Variants in EMILIN2 observed in about 807,000 individuals in gnomAD.
EMILIN2 encodes EMILIN-2.
In EMILIN2, 71 loss-of-function variants were observed where a neutral mutation model predicts 87.1. That is an observed-to-expected ratio of 0.82 (90% CI 0.67 to 0.99). EMILIN2 has a LOEUF of 0.99. EMILIN2 is among the 50% of genes least tolerant of loss of function. EMILIN2 has a pLI of 0.00. For synonymous variants in EMILIN2, 581 were observed against 563.4 expected (o/e 1.03, Z -0.44); for missense variants, 1,407 against 1,371.8 (o/e 1.03, Z -0.40).
Position 2,906,888 on chromosome 18 carries a change from GACGGCCCGT to G in EMILIN2, c.2466_2474del (p.Arg823_Val825del). 2 of 1,392,440 alleles carry G rather than the reference GACGGCCCGT, an allele frequency of 1.4e-6. No individual in the cohort carries two copies. The highest frequency in any genetic ancestry group is 1.9e-6 in the Non-Finnish European group (2 of 1,071,442). The allele number at this position is 1,392,440 out of a possible 1,614,324, so 86.3% of individuals were successfully genotyped here. A position where few individuals can be genotyped will look rare whatever the true frequency, so the allele number is the denominator to read the frequency against. The stretch of plus-strand genomic sequence containing the variant: ...CCCGCAACCGCAGAGGACCCTGGGC[GACGGCCCGT>G]CCTGCCCCAGCGGCCCCCCGAGGAG... On this transcript the variant is annotated inframe_deletion, in exon 5 of 8. Transcript: ENST00000254528.
chr18:2,909,692 AGCTCCGGTGCCTTCTCT>A lies in EMILIN2; in HGVS notation c.2699_2715del (p.Ala900GlyfsTer15). 6.2e-7 allele frequency: 1 copy of A among 1,613,746 alleles called. No individual in the cohort carries two copies. ...CATTCCATCCTTTCTCTGCTCCAGG[AGCTCCGGTGCCTTCTCT>A]GGTGTCTTTTTCTGCGGGGCTCACC... On this transcript the variant is annotated frameshift_variant and splice_region_variant, in exon 7 of 8. Transcript: ENST00000254528. LOFTEE classifies it high-confidence loss of function.
chr18:2,846,395 A>G (rs922360646), upstream of EMILIN2, among the ~76,000 whole-genome samples: 2 of 152,258 alleles, frequency 1.3e-5, no homozygotes, highest in East Asian at 1.9e-4. This position sits in a 1 kb window ranked among gnomAD's most constrained non-coding sequence, Gnocchi z 5.3. Flanking sequence ...ATAGAGCCGG[A>G]CGCTGAGCTG....
chr18:2,850,154 C>G (rs1442752732), intron 2 of EMILIN2, among the ~76,000 whole-genome samples: 1 of 141,348 alleles, frequency 7.1e-6, no homozygotes, highest in African/African-American at 2.7e-5. Context: ...GTTGGTAAGG[C>G]TGGTCTCGAA....
In EMILIN2 at chr18:2,848,267, A is replaced by T. The variant is rs1384917075; in HGVS notation, c.257+336A>T. 6.6e-6 allele frequency among the ~76,000 whole-genome samples: 1 copy of T among 152,152 alleles called. No homozygotes were observed. Among genetic ancestry groups the T allele is most frequent in the Admixed American group, 6.5e-5 (1 of 15,282 alleles). On this transcript the variant is annotated intron_variant, in intron 2 of 7. Coordinates refer to ENST00000254528, the MANE Select transcript of EMILIN2 (RefSeq NM_032048.3). This position sits in a 1 kb window ranked among gnomAD's most constrained non-coding sequence, Gnocchi z 4.1. Reference sequence around the variant, plus strand: ...ACATAAGGCAGCTGAATCTAATTGGATCCATATTGTGTGTTCTGGGGCACA... The same window carrying T: ...ACATAAGGCAGCTGAATCTAATTGGTTCCATATTGTGTGTTCTGGGGCACA...
At position 2,886,628 on chromosome 18, in the gene EMILIN2, T is replaced by TACAGTTAGACCATACAG. The variant is rs1327438147; in HGVS notation, c.433+1489_433+1490insACAGTTAGACCATACAG. Among the ~76,000 whole-genome samples, 7 of 152,338 alleles carry TACAGTTAGACCATACAG rather than the reference T, an allele frequency of 4.6e-5. No homozygotes were observed. In the South Asian group the frequency reaches 1.2e-3, roughly 27 times the overall value. On this transcript the variant is annotated intron_variant, in intron 3 of 7. Coordinates refer to ENST00000254528, the MANE Select transcript of EMILIN2 (RefSeq NM_032048.3). ...CCATACAGTTAGACCATATTCTTTA[T>TACAGTTAGACCATACAG]TTACTCAGTATTCAGTGTTTACATT... is the stretch of plus-strand genomic sequence containing the variant.
intron 5 of EMILIN2, 76 bp downstream of exon 5, chr18:2,907,161 G>C: frequency 1.6e-6 from 2 of 1,216,294 alleles, no homozygotes; most frequent in South Asian, 4.1e-5. Context: ...GTCTGCTGAG[G>C]GGCGTGGCGG....
In EMILIN2 at chr18:2,909,676, C is replaced by CGAA; in HGVS notation, c.2696-15_2696-14insGAA. Reference sequence around the variant, plus strand: ...AGCACCCGGGTCAATCCATTCCATCCTTTCTCTGCTCCAGGAGCTCCGGTG... The same window carrying CGAA: ...AGCACCCGGGTCAATCCATTCCATCCGAATTTCTCTGCTCCAGGAGCTCCGGTG... On this transcript the variant is annotated splice_polypyrimidine_tract_variant and intron_variant, in intron 6 of 7. Coordinates refer to ENST00000254528, the MANE Select transcript of EMILIN2 (RefSeq NM_032048.3). 6.2e-7 allele frequency: 1 copy of CGAA among 1,613,398 alleles called. No homozygotes were observed. Among genetic ancestry groups the CGAA allele is most frequent in the Non-Finnish European group, 8.5e-7 (1 of 1,179,672 alleles).
At chr18:2,902,550 G>C (rs1465205024) in intron 4 of EMILIN2, among the ~76,000 whole-genome samples, 4 of 152,160 alleles carry the variant, frequency 2.6e-5, no homozygotes, top group Non-Finnish European at 5.9e-5. Context: ...GCCATTTCAG[G>C]GGTGCACATG....
rs994814456 is a variant in EMILIN2 at position 2,914,706 on chromosome 18, A to G, written c.*1302A>G. On this transcript the variant is annotated 3_prime_UTR_variant, in exon 8 of 8. Transcript: ENST00000254528. ...TTTCCTTGGCCCACAAGATGCTCTTATGCTGTAAAAAAAATGCTTTAAGAA... is the reference window on the plus strand; with the variant it reads ...TTTCCTTGGCCCACAAGATGCTCTTGTGCTGTAAAAAAAATGCTTTAAGAA... 6.6e-6 allele frequency: 1 copy of G among 152,084 alleles called. No individual in the cohort carries two copies. The highest frequency in any genetic ancestry group is 1.5e-5 in the Non-Finnish European group (1 of 68,016). 9.4% of individuals were successfully genotyped at this position (152,084 alleles called of 1,614,324 possible).
intron 2 of EMILIN2, among the ~76,000 whole-genome samples, chr18:2,881,319 CTT>C (rs538527808): frequency 6.6e-6 from 1 of 152,184 alleles, no homozygotes; most frequent in Non-Finnish European, 1.5e-5. Flanking sequence ...GACTTGAAAA[CTT>C]GTCAGGAGCG....
At position 2,915,570 on chromosome 18, in the gene EMILIN2, T is replaced by G. The variant is rs1282418977; in HGVS notation, c.*2166T>G. ...GACAGTCCTACTCTGTCGCCCAGGC[T>G]GGAGTGCAGTAGCGCGATCTCAGCT... On this transcript the variant is annotated 3_prime_UTR_variant, in exon 8 of 8. Transcript: ENST00000254528. The G allele has an allele frequency of 6.6e-6, 1 of 152,096 alleles. No individual in the cohort carries two copies. The highest frequency in any genetic ancestry group is 1.9e-4 in the East Asian group (1 of 5,176). 9.4% of individuals were successfully genotyped at this position (152,096 alleles called of 1,614,324 possible).
At chr18:2,907,203 C>T in intron 5 of EMILIN2, 118 bp downstream of exon 5, 3 of 1,094,188 alleles carry the variant, frequency 2.7e-6, no homozygotes, top group Non-Finnish European at 3.5e-6. Flanking sequence ...GGGCAAGTTC[C>T]GAAATGCAGC....
In EMILIN2 at chr18:2,909,103, A is replaced by G. The variant is rs1452928288; in HGVS notation, c.2695+128A>G. On this transcript the variant is annotated intron_variant, in intron 6 of 7. Transcript: ENST00000254528. ...TCAAGCCTGGGCCCAGCCCTTCCCC[A>G]CCCACCAGCACTGGGACAGCCCTCT... 4.3e-6 allele frequency: 5 copies of G among 1,155,602 alleles called. No individual in the cohort carries two copies. The Admixed American group carries it at 6.9e-5, about 16-fold the overall frequency. The allele number at this position is 1,155,602 out of a possible 1,614,324, so 71.6% of individuals were successfully genotyped here. A position where few individuals can be genotyped will look rare whatever the true frequency, so the allele number is the denominator to read the frequency against.
At chr18:2,902,602 C>G (rs1157551167) in intron 4 of EMILIN2, among the ~76,000 whole-genome samples, 4 of 152,122 alleles carry the variant, frequency 2.6e-5, no homozygotes. Flanking sequence ...GAGCTGGGTA[C>G]CAGTGAGCAT....
At chr18:2,858,569 A>ATG (rs1178571289) in intron 2 of EMILIN2, among the ~76,000 whole-genome samples, 1,870 of 54,946 alleles carry the variant, frequency 0.034, 131 homozygotes, top group South Asian at 0.05. Flanking sequence ...ATATATATAT[A>ATG]TGTGTGTGTG....
rs966520860 is a variant in EMILIN2 at position 2,890,738 on chromosome 18, C to G, written c.611C>G (p.Ser204Cys). 1.9e-6 allele frequency: 3 copies of G among 1,614,108 alleles called. No homozygotes were observed. In the African/African-American group the frequency reaches 4.0e-5, roughly 22 times the overall value. The change falls in exon 4 of 8, where the codon TCC (serine) becomes TGC (cysteine). Residue 204 changes from serine to cysteine, a missense_variant. Coordinates refer to ENST00000254528, the MANE Select transcript of EMILIN2 (RefSeq NM_032048.3). The surrounding 1 kb of genome is among the most constrained non-coding windows in gnomAD (Gnocchi z 4.7). ...LTRTVLDLQS[S>C]LAGVSENLKH... Reference sequence around the variant, plus strand: ...AGGACGGTTCTTGACCTCCAGTCTTCCCTTGCTGGAGTGAGTGAAAATCTC... The same window carrying G: ...AGGACGGTTCTTGACCTCCAGTCTTGCCTTGCTGGAGTGAGTGAAAATCTC...
rs1445621985 is a variant in EMILIN2, at chr18:2,915,380, G to C, written c.*1976G>C. ...AAGGGAAAGGCTGTCTTTTTGTACA[G>C]GTAGTAGAACAACAAGGTCAGCTGA... On this transcript the variant is annotated 3_prime_UTR_variant, in exon 8 of 8. Coordinates refer to ENST00000254528, the MANE Select transcript of EMILIN2 (RefSeq NM_032048.3). 1 of 152,232 alleles carries C rather than the reference G, an allele frequency of 6.6e-6. No individual in the cohort carries two copies. Among genetic ancestry groups the C allele is most frequent in the Non-Finnish European group, 1.5e-5 (1 of 68,046 alleles). The allele number at this position is 152,232 out of a possible 1,614,324, so 9.4% of individuals were successfully genotyped here. A position where few individuals can be genotyped will look rare whatever the true frequency, so the allele number is the denominator to read the frequency against.
chr18:2,883,518 T>A (rs570321961), intron 2 of EMILIN2, among the ~76,000 whole-genome samples: 1 of 152,158 alleles, frequency 6.6e-6, no homozygotes, highest in Non-Finnish European at 1.5e-5. Context: ...GAAATCACAA[T>A]TGGGCTGAAG....
intron 2 of EMILIN2, among the ~76,000 whole-genome samples, chr18:2,862,986 T>C (rs1402956973): frequency 1.3e-5 from 2 of 152,244 alleles, no homozygotes; most frequent in East Asian, 3.8e-4. Context: ...CCATTTCTTC[T>C]AGATTTTCTA....
Sources: allele counts gnomAD v4.1 joint callset (sites outside exome capture counted in the v4.1 genomes callset), GRCh38; gene constraint gnomAD v4.1.1; non-coding constraint Gnocchi (gnomAD v3.1); transcripts MANE v1.5; gene names NCBI Gene and HGNC (gene_info 2026-07-23, HGNC 2026-07-21).